RTF2: variants seen among roughly 807,000 people sequenced by gnomAD.
RTF2 encodes UPF0549 protein C20orf43.
Under a neutral mutation model 38.0 loss-of-function variants are expected in RTF2, and 18 were observed. The ratio of observed to expected loss-of-function variants is 0.47; its 90% CI spans 0.33 to 0.70. RTF2 has a LOEUF of 0.70. RTF2 is among the 30% of genes least tolerant of loss of function. RTF2 has a pLI of 0.02. For synonymous variants in RTF2, 126 were observed against 137.1 expected (o/e 0.92, Z 0.57); for missense variants, 311 against 379.6 (o/e 0.82, Z 1.50).
intron 5 of RTF2, among the ~76,000 whole-genome samples, chr20:56,488,579 T>C (rs753354002): frequency 1.4e-4 from 22 of 152,012 alleles, no homozygotes; most frequent in Non-Finnish European, 2.8e-4. Context: ...GGAAAAGGAG[T>C]GTCGTCAGAA....
At chr20:56,500,519 G>T (rs757569098) in intron 5 of RTF2, among the ~76,000 whole-genome samples, 9 of 152,154 alleles carry the variant, frequency 5.9e-5, no homozygotes, top group Non-Finnish European at 1.3e-4. Context: ...ATGAAGAGAG[G>T]CCCCAAGGGT....
At chr20:56,487,044 T>G (rs1457693474) in intron 5 of RTF2, among the ~76,000 whole-genome samples, 1 of 152,306 alleles carries the variant, frequency 6.6e-6, no homozygotes, top group Non-Finnish European at 1.5e-5. Context: ...ATCATTTTAA[T>G]GGGTCACCAG....
intron 5 of RTF2, among the ~76,000 whole-genome samples, chr20:56,491,200 A>C (rs773564629): frequency 1.1e-4 from 17 of 152,144 alleles, no homozygotes; most frequent in Non-Finnish European, 2.4e-4. Context: ...TTAGTATCTC[A>C]TACACAGTAG....
At chr20:56,498,184 G>A (rs919797831) in intron 5 of RTF2, among the ~76,000 whole-genome samples, 5 of 152,192 alleles carry the variant, frequency 3.3e-5, no homozygotes, top group Admixed American at 2.0e-4. Context: ...AAAGTTCATT[G>A]TGTGCCATTA....
chr20:56,511,149 T>G (rs1321075979), intron 5 of RTF2, among the ~76,000 whole-genome samples: 1 of 152,170 alleles, frequency 6.6e-6, no homozygotes, highest in African/African-American at 2.4e-5. Context: ...TAAATAAAAA[T>G]TATTTAAAAT....
At chr20:56,491,504 T>C in intron 5 of RTF2, 1 of 1,126,580 alleles carries the variant, frequency 8.9e-7, no homozygotes, top group Non-Finnish European at 1.3e-6. Flanking sequence ...TTCAATGTTC[T>C]CTTGTTTCAA....
chr20:56,487,352 A>G (rs1982848861), intron 5 of RTF2, among the ~76,000 whole-genome samples: 1 of 152,184 alleles, frequency 6.6e-6, no homozygotes, highest in South Asian at 2.1e-4. Context: ...GCACTTCAAG[A>G]GAAGGGAAGG....
intron 5 of RTF2, chr20:56,495,150 A>G (rs1316234981): frequency 3.2e-6 from 4 of 1,264,876 alleles, no homozygotes; most frequent in Admixed American, 4.0e-5. Context: ...GCAGTTTTAT[A>G]GTTGTTGTAA....
intron 1 of RTF2, 95 bp downstream of exon 1, chr20:56,468,861 T>A: frequency 5.9e-6 from 6 of 1,017,964 alleles, no homozygotes; most frequent in Non-Finnish European, 8.8e-6. Flanking sequence ...GCCAGCGGAG[T>A]TCCAGACCTG....
At chr20:56,490,410 T>C (rs1983045195) in intron 5 of RTF2, among the ~76,000 whole-genome samples, 1 of 152,218 alleles carries the variant, frequency 6.6e-6, no homozygotes, top group Non-Finnish European at 1.5e-5. Flanking sequence ...AGCAAAGTCG[T>C]GGACTTTCTA....
At chr20:56,473,739 A>G (rs574340681) in intron 2 of RTF2, among the ~76,000 whole-genome samples, 2 of 152,240 alleles carry the variant, frequency 1.3e-5, no homozygotes, top group African/African-American at 2.4e-5. Context: ...TAAATTAGCC[A>G]GGCACCTGGT....
intron 5 of RTF2, among the ~76,000 whole-genome samples, chr20:56,503,080 C>T (rs1435865535): frequency 1.3e-5 from 2 of 152,330 alleles, no homozygotes; most frequent in Admixed American, 1.3e-4. Flanking sequence ...GTAATGCGGC[C>T]CCAAAACTGT....
chr20:56,468,681 C>A lies in RTF2; in HGVS notation c.-17C>A. The stretch of plus-strand genomic sequence containing the variant: ...CAGCTTTGGGGGTTTGCTGCTGGCT[C>A]TGACTCCCGTCCTGCGATGGGTTGC... On this transcript the variant is annotated 5_prime_UTR_variant, in exon 1 of 9. It adds an upstream start codon to the 5' untranslated region. Coordinates refer to ENST00000357348, the MANE Select transcript of RTF2 (RefSeq NM_016407.5). 1 of 1,566,638 alleles carries A rather than the reference C, an allele frequency of 6.4e-7. No homozygotes were observed. The highest frequency in any genetic ancestry group is 1.2e-5 in the South Asian group (1 of 85,206).
chr20:56,477,314 C>T (rs1166105186), intron 4 of RTF2, among the ~76,000 whole-genome samples, 190 bp downstream of exon 4: 3 of 152,180 alleles, frequency 2.0e-5, no homozygotes, highest in Non-Finnish European at 4.4e-5. Context: ...ACGGGACTTC[C>T]AGCGAGATCC....
At chr20:56,472,304 G>A (rs1481308652) in intron 1 of RTF2, 1 of 1,284,786 alleles carries the variant, frequency 7.8e-7, no homozygotes, top group South Asian at 1.3e-5. Flanking sequence ...TTCCAAATGT[G>A]CTGTCCTGTT....
At chr20:56,483,631 C>T (rs1982635981) in intron 4 of RTF2, among the ~76,000 whole-genome samples, 1 of 152,152 alleles carries the variant, frequency 6.6e-6, no homozygotes, top group African/African-American at 2.4e-5. Flanking sequence ...TGCCCAGCCC[C>T]AATCTCCTGA....
At chr20:56,496,986 T>G in intron 5 of RTF2, 1 of 1,551,854 alleles carries the variant, frequency 6.4e-7, no homozygotes, top group Non-Finnish European at 8.7e-7. Flanking sequence ...GATGGGAAAA[T>G]CCTGTCCACA....
At chr20:56,518,036 T>C (rs1182420134) in intron 8 of RTF2, 51 bp from the exon 9 acceptor site, 1 of 1,548,894 alleles carries the variant, frequency 6.5e-7, no homozygotes, top group Non-Finnish European at 8.7e-7. Flanking sequence ...ATGCGAAGTT[T>C]AGAATCATCT....
intron 5 of RTF2, among the ~76,000 whole-genome samples, chr20:56,490,524 G>A (rs1983054442): frequency 6.6e-6 from 1 of 152,196 alleles, no homozygotes; most frequent in South Asian, 2.1e-4. Context: ...CTATTTAAAG[G>A]TAACTTAAGG....
Sources: gnomAD v4.1 joint callset for allele counts (sites outside exome capture counted in the v4.1 genomes callset) on GRCh38, gnomAD v4.1.1 for gene constraint, MANE v1.5 for transcripts, NCBI Gene and HGNC (gene_info 2026-07-23, HGNC 2026-07-21) for gene names.